Variants in RBL2 observed in about 807,000 individuals in gnomAD.
RBL2 encodes retinoblastoma-like protein 2.
RBL2 carries 56 observed loss-of-function variants against 126.0 expected under a neutral mutation model. The ratio of observed to expected loss-of-function variants is 0.44; its 90% confidence interval spans 0.36 to 0.56. RBL2 has a LOEUF of 0.56. Among genes scored for constraint, RBL2 ranks in the 20% least tolerant of loss-of-function variants. The pLI, the probability that RBL2 is intolerant of heterozygous loss-of-function variation, is 0.00. For synonymous variants in RBL2, 454 were observed against 478.5 expected, an observed-to-expected ratio of 0.95 and a Z score of 0.67; for missense variants, 1,229 against 1,398.2, an observed-to-expected ratio of 0.88 and a Z score of 1.93.
At chr16:53,444,707 G>T (rs971939614) in intron 3 of RBL2, among the ~76,000 whole-genome samples, 2 of 152,198 alleles carry the variant, frequency 1.3e-5, no homozygotes, top group East Asian at 1.9e-4. Flanking sequence ...AATTAGGCAG[G>T]TATGGTGGTG....
At position 53,436,178 on chromosome 16, in the gene RBL2, G is replaced by T. The variant is rs528393381; in HGVS notation, c.240+1382G>T. Reference sequence around the variant, plus strand: ...TTTTATGTTGTTTTTTGTTTTTTGGGTTTTTTTTTGGTAAATGGCCTTAAA... The same window carrying T: ...TTTTATGTTGTTTTTTGTTTTTTGGTTTTTTTTTTGGTAAATGGCCTTAAA... On this transcript the variant is annotated intron_variant, in intron 1 of 21. Transcript: ENST00000262133. Among the ~76,000 whole-genome samples the T allele has an allele frequency of 5.3e-5, 8 of 150,840 alleles. No individual in the cohort carries two copies. In the South Asian group the frequency reaches 1.3e-3, roughly 24 times the overall value.
chr16:53,479,104 A>G lies in RBL2; in HGVS notation c.2704-50A>G. 2.1e-6 allele frequency: 3 copies of G among 1,434,410 alleles called. No individual in the cohort carries two copies. In the South Asian group the frequency reaches 3.4e-5, roughly 16 times the overall value. The allele number at this position is 1,434,410 out of a possible 1,614,324, so 88.9% of individuals were successfully genotyped here. A position where few individuals can be genotyped will look rare whatever the true frequency, so the allele number is the denominator to read the frequency against. ...GCAGGTTCACAGAGCTCCTCACACTATTATGGTGGTAGTTGCCATGTCTCT... is the reference window on the plus strand; with the variant it reads ...GCAGGTTCACAGAGCTCCTCACACTGTTATGGTGGTAGTTGCCATGTCTCT... On this transcript the variant is annotated intron_variant, in intron 17 of 21. Transcript: ENST00000262133.
At chr16:53,437,615 A>G (rs191558095) in intron 1 of RBL2, among the ~76,000 whole-genome samples, 10 of 152,356 alleles carry the variant, frequency 6.6e-5, no homozygotes, top group Non-Finnish European at 1.3e-4. Context: ...TTGGTTATAC[A>G]AATAAATTTT....
rs191223028 is a variant in RBL2 at position 53,459,024 on chromosome 16, A to G, written c.1180-427A>G. Among the ~76,000 whole-genome samples, 126 of 152,246 alleles carry G rather than the reference A, an allele frequency of 8.3e-4. 1 individual carries two copies. The highest frequency in any genetic ancestry group is 3.3e-3 in the Admixed American group (50 of 15,292). ...TAATCACAATTTTCTTTTATCTTTG[A>G]GTGTCTGCAAAAATAGCAGTAGATG... On this transcript the variant is annotated intron_variant, in intron 8 of 21. Coordinates refer to ENST00000262133, the MANE Select transcript of RBL2 (RefSeq NM_005611.4).
At chr16:53,477,145 T>G (rs1960755301) in intron 17 of RBL2, among the ~76,000 whole-genome samples, 2 of 152,164 alleles carry the variant, frequency 1.3e-5, no homozygotes, top group African/African-American at 4.8e-5. Context: ...TTATACTGAC[T>G]TAATTCCAGT....
rs189665239 is a variant in RBL2 at position 53,451,183 on chromosome 16, T to C, written c.638-520T>C. Among the ~76,000 whole-genome samples, 360 of 152,308 alleles carry C rather than the reference T, an allele frequency of 2.4e-3. 1 individual carries two copies. The highest frequency in any genetic ancestry group is 8.0e-3 in the African/African-American group (334 of 41,572). ...ATGAATGGCATTTTTAGTAAAGTTATAGTTTTCACTAAGCTGTTAGACATT... is the reference window on the plus strand; with the variant it reads ...ATGAATGGCATTTTTAGTAAAGTTACAGTTTTCACTAAGCTGTTAGACATT... On this transcript the variant is annotated intron_variant, in intron 4 of 21. Coordinates refer to ENST00000262133, the MANE Select transcript of RBL2 (RefSeq NM_005611.4).
chr16:53,453,325 A>G (rs1420486758), intron 5 of RBL2, 127 bp from the exon 6 acceptor site: 3 of 812,340 alleles, frequency 3.7e-6, no homozygotes, highest in Non-Finnish European at 5.6e-6. Context: ...AGGCCCATAT[A>G]TACTGTTTCC....
Position 53,470,115 on chromosome 16 carries a change from G to C in RBL2, c.2175G>C (p.Gln725His). The C allele has an allele frequency of 6.2e-7, 1 of 1,613,812 alleles. No individual in the cohort carries two copies. Among genetic ancestry groups the C allele is most frequent in the African/African-American group, 1.3e-5 (1 of 75,046 alleles). Reference protein sequence around the residue: ...ETVSVTPVPGQTLVTMATATV... With the variant: ...ETVSVTPVPGHTLVTMATATV... ...TTTCTGTCACACCAGTTCCTGGACA[G>C]ACTTTGGTCACCATGGCAACCGCCA... Residue 725 changes from glutamine to histidine, a missense_variant, in exon 15 of 22, where the codon CAG becomes CAC. Physicochemically the swap from Gln to His is conservative, Grantham distance 24. Coordinates refer to ENST00000262133, the MANE Select transcript of RBL2 (RefSeq NM_005611.4).
At chr16:53,459,127 C>T (rs183767308) in intron 8 of RBL2, among the ~76,000 whole-genome samples, 7 of 152,224 alleles carry the variant, frequency 4.6e-5, no homozygotes, top group African/African-American at 9.6e-5. Flanking sequence ...TCTTTGCCTC[C>T]GAGCATAAGT....
intron 8 of RBL2, among the ~76,000 whole-genome samples, chr16:53,455,178 C>T (rs2058155410): frequency 6.6e-6 from 1 of 152,182 alleles, no homozygotes; most frequent in Non-Finnish European, 1.5e-5. Flanking sequence ...GATAATTGAC[C>T]TGACTGGGGC....
chr16:53,443,690 CAAGAA>C (rs1015873363), intron 3 of RBL2, among the ~76,000 whole-genome samples: 3 of 151,748 alleles, frequency 2.0e-5, no homozygotes, highest in African/African-American at 7.3e-5. Context: ...AAAATGTTGA[CAAGAA>C]AAGTAAAGGG....
At chr16:53,481,462 TA>T in intron 20 of RBL2, 1 of 492,698 alleles carries the variant, frequency 2.0e-6, no homozygotes, top group East Asian at 3.5e-5. Flanking sequence ...ACATAATGTA[TA>T]AAAATTGCTT....
At chr16:53,479,542 G>A in intron 18 of RBL2, 1 of 460,746 alleles carries the variant, frequency 2.2e-6, no homozygotes, top group Non-Finnish European at 3.9e-6. Flanking sequence ...TTAACCAACA[G>A]AATGTCACAT....
At chr16:53,471,535 C>G (rs890018782) in intron 17 of RBL2, among the ~76,000 whole-genome samples, 3 of 151,604 alleles carry the variant, frequency 2.0e-5, no homozygotes, top group Non-Finnish European at 4.4e-5. Context: ...AGTGGTGCAT[C>G]TCAGCTCACT....
chr16:53,480,719 A>G lies in RBL2; in HGVS notation c.3034A>G (p.Ile1012Val), dbSNP rs752476141. The change falls in exon 20 of 22, where the codon ATC (isoleucine) becomes GTC (valine). Residue 1012 changes from isoleucine to valine, a missense_variant. Physicochemically the swap from Ile to Val is conservative, Grantham distance 29. This residue lies in a region of RBL2 where 1,070 missense variants were observed against 1,274.3 expected (regional missense o/e 0.84). Coordinates refer to ENST00000262133, the MANE Select transcript of RBL2 (RefSeq NM_005611.4). ...RGDLIQFYNN[I>V]YIKQIKTFAM... ...AGACCTCATTCAGTTCTACAACAAC[A>G]TCTACATCAAACAGATTAAGACATT... 3 of 1,613,594 alleles carry G rather than the reference A, an allele frequency of 1.9e-6. No individual in the cohort carries two copies. Among genetic ancestry groups the G allele is most frequent in the East Asian group, 2.2e-5 (1 of 44,880 alleles).
chr16:53,490,525 C>T lies in RBL2; in HGVS notation c.*225C>T, dbSNP rs552287788. 2 of 378,252 alleles carry T rather than the reference C, an allele frequency of 5.3e-6. No individual in the cohort carries two copies. Among genetic ancestry groups the T allele is most frequent in the Non-Finnish European group, 9.3e-6 (2 of 214,480 alleles). The allele number at this position is 378,252 out of a possible 1,614,324, so 23.4% of individuals were successfully genotyped here. A position where few individuals can be genotyped will look rare whatever the true frequency, so the allele number is the denominator to read the frequency against. On this transcript the variant is annotated 3_prime_UTR_variant, in exon 22 of 22. Coordinates refer to ENST00000262133, the MANE Select transcript of RBL2 (RefSeq NM_005611.4). The stretch of plus-strand genomic sequence containing the variant: ...TTCCCTACCATTCAGTGATTACTGT[C>T]AAGGCTGCTTAGAATCCAAACTTGG...
chr16:53,490,469 G>A lies in RBL2; in HGVS notation c.*169G>A. The A allele has an allele frequency of 2.1e-6, 1 of 466,560 alleles. No individual in the cohort carries two copies. The highest frequency in any genetic ancestry group is 7.8e-5 in the South Asian group (1 of 12,820). 28.9% of individuals were successfully genotyped at this position (466,560 alleles called of 1,614,324 possible). A position where few individuals can be genotyped will look rare whatever the true frequency, so the allele number is the denominator to read the frequency against. On this transcript the variant is annotated 3_prime_UTR_variant, in exon 22 of 22. Transcript: ENST00000262133. ...GACTTAACTCCTTCCAGTGTCCTTA[G>A]AACATTTTAATTCATCCCAACTGTC...
chr16:53,450,507 A>T (rs1308973016), intron 4 of RBL2, among the ~76,000 whole-genome samples: 1 of 152,240 alleles, frequency 6.6e-6, no homozygotes, highest in African/African-American at 2.4e-5. Context: ...GTGTTTAACT[A>T]AAAAAGGATG....
chr16:53,452,185 T>C (rs192106443), intron 5 of RBL2, among the ~76,000 whole-genome samples: 1 of 152,326 alleles, frequency 6.6e-6, no homozygotes, highest in Admixed American at 6.5e-5. Context: ...AAAAAGAATT[T>C]GTTGAAAGAA....
Sources: allele counts gnomAD v4.1 joint callset (sites outside exome capture counted in the v4.1 genomes callset), GRCh38; gene constraint gnomAD v4.1.1; regional missense constraint gnomAD v4.1.1; transcripts MANE v1.5; gene names NCBI Gene and HGNC (gene_info 2026-07-23, HGNC 2026-07-21).